DISP3: variants seen among roughly 807,000 people sequenced by gnomAD.
The protein encoded by DISP3 is dispatched RND transporter family member 3.
A neutral mutation model predicts 135.3 loss-of-function variants in DISP3; 101 were observed. That is an observed-to-expected ratio of 0.75 (90% CI 0.64 to 0.88). The LOEUF is 0.88. DISP3 is among the 40% of genes least tolerant of loss of function. The pLI is 0.00. For missense variants in DISP3, 1,713 were observed against 1,878.6 expected (o/e 0.91, Z 1.63); for synonymous variants, 856 against 817.0 (o/e 1.05, Z -0.81).
chr1:11,497,514 G>A (rs772763120), intron 1 of DISP3, among the ~76,000 whole-genome samples: 1 of 152,070 alleles, frequency 6.6e-6, no homozygotes, highest in Non-Finnish European at 1.5e-5. Flanking sequence ...TCAGCCCCCC[G>A]AGTAGCTGGG....
In DISP3 at chr1:11,526,742, A is replaced by G. The variant is rs373050854; in HGVS notation, c.2705A>G (p.Lys902Arg). 5 of 1,613,962 alleles carry G rather than the reference A, an allele frequency of 3.1e-6. No individual in the cohort carries two copies. The African/African-American group carries it at 6.7e-5, about 22-fold the overall frequency. The change falls in exon 13 of 21, where the codon AAG becomes AGG. Residue 902 changes from lysine to arginine, a missense_variant. Lys to Arg is a conservative substitution (Grantham distance 26, BLOSUM62 2). Transcript: ENST00000294484. ...GLLQAASPSR[K>R]WMLTTLACDA... is the part of the protein sequence containing the mutation. Reference sequence around the variant, plus strand: ...CTCCAGGCGGCGAGCCCCTCCCGCAAGTGGATGCTGACGACCTTGGCCTGT... The same window carrying G: ...CTCCAGGCGGCGAGCCCCTCCCGCAGGTGGATGCTGACGACCTTGGCCTGT...
chr1:11,498,031 T>A (rs1327308403), intron 1 of DISP3, among the ~76,000 whole-genome samples: 7 of 152,180 alleles, frequency 4.6e-5, no homozygotes, highest in Admixed American at 2.0e-4. Context: ...CCTGTGGGGC[T>A]CTCACTGGGA....
Position 11,483,840 on chromosome 1 carries a change from C to G in DISP3, c.-4+4468C>G, listed in dbSNP as rs932900035. On this transcript the variant is annotated intron_variant, in intron 1 of 20. Transcript: ENST00000294484. The surrounding 1 kb of genome is among the most constrained non-coding windows in gnomAD (Gnocchi z 5.4). ...AAGACAACTTAACTCTGTAAGAGGTCAAGGATATGAGAAGCCTCTGCAGAT... is the reference window on the plus strand; with the variant it reads ...AAGACAACTTAACTCTGTAAGAGGTGAAGGATATGAGAAGCCTCTGCAGAT... 6.6e-6 allele frequency among the ~76,000 whole-genome samples: 1 copy of G among 152,160 alleles called. No individual in the cohort carries two copies. Among genetic ancestry groups the G allele is most frequent in the African/African-American group, 2.4e-5 (1 of 41,444 alleles).
At chr1:11,525,342 C>A (rs1307604703) in intron 12 of DISP3, 30 bp downstream of exon 12, 2 of 1,600,216 alleles carry the variant, frequency 1.2e-6, no homozygotes, top group South Asian at 2.2e-5. Context: ...AAGTGAGCCG[C>A]CACCACTGTG....
intron 11 of DISP3, among the ~76,000 whole-genome samples, chr1:11,524,625 C>T (rs1251165400): frequency 3.8e-5 from 5 of 132,392 alleles, no homozygotes; most frequent in Admixed American, 7.4e-5. Context: ...CCAGTGCCCA[C>T]GACCTCCCCC....
chr1:11,494,353 G>A (rs888123514), intron 1 of DISP3, among the ~76,000 whole-genome samples: 1 of 152,128 alleles, frequency 6.6e-6, no homozygotes, highest in East Asian at 1.9e-4. Context: ...TGAACTAGCT[G>A]GGCTTTTGAC....
chr1:11,501,820 G>A lies in DISP3; in HGVS notation c.828G>A (p.Glu276=), dbSNP rs2100410810. The A allele has an allele frequency of 6.2e-7, 1 of 1,610,672 alleles. No individual in the cohort carries two copies. The highest frequency in any genetic ancestry group is 2.2e-5 in the East Asian group (1 of 44,830). Residue 276 remains glutamate (E), a synonymous_variant, in exon 2 of 21, where the codon GAG becomes GAA. Transcript: ENST00000294484. The surrounding 1 kb of genome is among the most constrained non-coding windows in gnomAD (Gnocchi z 4.9). ...AGACGCACGCGCACTGGCGCATCGA[G>A]CTCATCTTCCTGGCGCGCGGCGACG... The part of the protein sequence containing the change: ...NTQTHAHWRI[E]LIFLARGDAE...
chr1:11,501,544 C>G lies in DISP3; in HGVS notation c.552C>G (p.Gly184=), dbSNP rs1459227085. 5.7e-6 allele frequency: 9 copies of G among 1,592,830 alleles called. No individual in the cohort carries two copies. The highest frequency in any genetic ancestry group is 7.7e-6 in the Non-Finnish European group (9 of 1,168,528). The part of the protein sequence containing the change: ...VIPAASLGGP[G]PYRDTSAAQK... Reference sequence around the variant, plus strand: ...CCGCGGCCTCACTCGGTGGCCCAGGCCCTTACCGGGACACTTCCGCGGCTC... The same window carrying G: ...CCGCGGCCTCACTCGGTGGCCCAGGGCCTTACCGGGACACTTCCGCGGCTC... Residue 184 remains glycine (G), a synonymous_variant, in exon 2 of 21, where the codon GGC becomes GGG. Coordinates refer to ENST00000294484, the MANE Select transcript of DISP3 (RefSeq NM_020780.2). This position sits in a 1 kb window ranked among gnomAD's most constrained non-coding sequence, Gnocchi z 4.9.
chr1:11,484,569 G>T (rs1640985536), intron 1 of DISP3, among the ~76,000 whole-genome samples: 1 of 152,208 alleles, frequency 6.6e-6, no homozygotes, highest in Non-Finnish European at 1.5e-5. Context: ...CCTGAACTCA[G>T]GGGAGAGAAG....
chr1:11,525,994 G>A (rs749598094), intron 12 of DISP3, among the ~76,000 whole-genome samples: 15 of 152,056 alleles, frequency 9.9e-5, no homozygotes, highest in Non-Finnish European at 1.8e-4. Context: ...TTTATTTTTT[G>A]TAGAGACAGG....
intron 3 of DISP3, among the ~76,000 whole-genome samples, chr1:11,508,606 G>T (rs1428020595): frequency 6.6e-6 from 1 of 151,688 alleles, no homozygotes; most frequent in Non-Finnish European, 1.5e-5. Flanking sequence ...TGGTTTCATT[G>T]ATTTTCTTTT....
At chr1:11,534,339 A>G in intron 17 of DISP3, 42 bp from the exon 18 acceptor site, 2 of 1,612,348 alleles carry the variant, frequency 1.2e-6, no homozygotes, top group Non-Finnish European at 1.7e-6. Context: ...CGGGTGGGCC[A>G]CAGTCCCTGC....
intron 12 of DISP3, among the ~76,000 whole-genome samples, chr1:11,526,252 C>T (rs1346041527): frequency 6.6e-6 from 1 of 152,220 alleles, no homozygotes; most frequent in Non-Finnish European, 1.5e-5. Flanking sequence ...CTGTTGGTCC[C>T]CACAGAGCCC....
intron 1 of DISP3, chr1:11,481,429 G>A (rs1640901722): frequency 6.6e-6 from 1 of 152,204 alleles, no homozygotes; most frequent in Non-Finnish European, 1.5e-5. Context: ...CCCCCCTCGA[G>A]ATCTGGCTAG....
chr1:11,535,718 C>G, intron 20 of DISP3, 74 bp downstream of exon 20: 1 of 1,526,122 alleles, frequency 6.6e-7, no homozygotes, highest in East Asian at 2.3e-5. Context: ...CTGAGGGACC[C>G]TCAAGGGCAG....
chr1:11,535,454 GCCC>G lies in DISP3; in HGVS notation c.3650-19_3650-17del, dbSNP rs552312526. 3.8e-6 allele frequency: 6 copies of G among 1,586,580 alleles called. No individual in the cohort carries two copies. The African/African-American group carries it at 5.4e-5, about 14-fold the overall frequency. On this transcript the variant is annotated intron_variant, in intron 19 of 20. Coordinates refer to ENST00000294484, the MANE Select transcript of DISP3 (RefSeq NM_020780.2). ...GCCTCCAGGGCGGGGGATCCGAGCT[GCCC>G]CCCCTGCTGTCTCCTTGCAGGCATC... is the stretch of plus-strand genomic sequence containing the variant.
At chr1:11,514,114 C>T (rs1641932406) in intron 3 of DISP3, among the ~76,000 whole-genome samples, 1 of 152,188 alleles carries the variant, frequency 6.6e-6, no homozygotes, top group Non-Finnish European at 1.5e-5. Context: ...CTGCGTAGAG[C>T]AGTGGTTCTC....
intron 1 of DISP3, among the ~76,000 whole-genome samples, chr1:11,484,926 A>T (rs1418186057): frequency 6.6e-6 from 1 of 152,176 alleles, no homozygotes; most frequent in African/African-American, 2.4e-5. Flanking sequence ...TCTCACAAGC[A>T]TCTGCCTGAG....
chr1:11,530,982 G>T lies in DISP3; in HGVS notation c.3178G>T (p.Ala1060Ser). ...CCTGTGTCACCTCTGCAAGGCCATC[G>T]CAGCCAACTCCGAGCTGGTGAAGCC... The part of the protein sequence containing the change: ...GHLCHLCKAI[A>S]ANSELVKPGG... Residue 1060 changes from alanine (A) to serine (S), a missense_variant, in exon 16 of 21, where the codon GCA becomes TCA. This residue lies in a region of DISP3 where 1,142 missense variants were observed against 1,384.6 expected (regional missense o/e 0.82). Transcript: ENST00000294484. 2 of 1,613,946 alleles carry T rather than the reference G, an allele frequency of 1.2e-6. No homozygotes were observed. Among genetic ancestry groups the T allele is most frequent in the Non-Finnish European group, 1.7e-6 (2 of 1,179,964 alleles).
Sources: allele counts gnomAD v4.1 joint callset (sites outside exome capture counted in the v4.1 genomes callset), GRCh38; gene constraint gnomAD v4.1.1; regional missense constraint gnomAD v4.1.1; non-coding constraint Gnocchi (gnomAD v3.1); transcripts MANE v1.5; gene names NCBI Gene and HGNC (gene_info 2026-07-23, HGNC 2026-07-21).